The following ROBO2 variants were observed in gnomAD, a reference collection of about 807,000 sequenced individuals.
The protein encoded by ROBO2 is roundabout guidance receptor 2, also known as roundabout homolog 2.
Under a neutral mutation model 160.8 loss-of-function variants are expected in ROBO2, and 53 were observed. That is an observed-to-expected ratio of 0.33 (90% CI 0.26 to 0.41). ROBO2 has a LOEUF of 0.41. ROBO2 is among the 10% of genes least tolerant of loss of function. The probability of loss-of-function intolerance (pLI) is 1.00; values close to 1 mark genes in which losing one functional copy is unlikely to be tolerated. For missense variants in ROBO2, 1,577 were observed against 1,722.4 expected (o/e 0.92, Z 1.49); for synonymous variants, 664 against 611.7 (o/e 1.09, Z -1.26).
chr3:76,710,527 CT>C (rs1371425127), intron 2 of ROBO2, among the ~76,000 whole-genome samples: 6 of 152,176 alleles, frequency 3.9e-5, no homozygotes, highest in Admixed American at 3.9e-4. Flanking sequence ...TTAATTACTA[CT>C]TGACCCTACT....
chr3:76,732,997 G>C (rs13084922), intron 2 of ROBO2, among the ~76,000 whole-genome samples: 4 of 130,232 alleles, frequency 3.1e-5, no homozygotes, highest in Admixed American at 8.1e-5. Flanking sequence ...CTGGGGGTGG[G>C]GGGGGGAGGT....
intron 2 of ROBO2, among the ~76,000 whole-genome samples, chr3:77,402,193 A>G (rs547980076): frequency 3.7e-4 from 57 of 152,156 alleles, no homozygotes; most frequent in Admixed American, 1.3e-4. Context: ...AAAACCAGAA[A>G]TCAAACACCA....
chr3:77,069,576 A>G (rs1273278104), intron 1 of ROBO2, among the ~76,000 whole-genome samples: 3 of 152,234 alleles, frequency 2.0e-5, no homozygotes, highest in Non-Finnish European at 4.4e-5. Flanking sequence ...TCAGTCATTC[A>G]TGCATAGACT....
Position 76,808,282 on chromosome 3 carries a change from C to T in ROBO2, c.110-289732C>T, listed in dbSNP as rs561783238. Among the ~76,000 whole-genome samples the T allele has an allele frequency of 1.9e-4, 29 of 152,230 alleles. No homozygotes were observed. The South Asian group carries it at 6.0e-3, about 32-fold the overall frequency. On this transcript the variant is annotated intron_variant, in intron 2 of 26. Transcript: ENST00000487694. ...AACCCAATTGAAGATATGACGTGCA[C>T]ACTCGTAAACTGAACAATAAGTTAA...
intron 2 of ROBO2, among the ~76,000 whole-genome samples, chr3:76,675,802 T>C (rs1414708175): frequency 6.6e-6 from 1 of 152,190 alleles, no homozygotes; most frequent in Non-Finnish European, 1.5e-5. Flanking sequence ...TTCTTAATAT[T>C]CCAAATGTAC....
At chr3:75,953,284 T>C (rs1182151129) in intron 2 of ROBO2, among the ~76,000 whole-genome samples, 1 of 151,982 alleles carries the variant, frequency 6.6e-6, no homozygotes, top group Non-Finnish European at 1.5e-5. Flanking sequence ...ATCAGACTTT[T>C]GGATATTGGC....
chr3:77,424,863 C>T (rs1404080041), intron 2 of ROBO2, among the ~76,000 whole-genome samples: 4 of 152,146 alleles, frequency 2.6e-5, no homozygotes, highest in Non-Finnish European at 5.9e-5. Context: ...TTCCATGAAC[C>T]TTTGCACAGT....
At chr3:76,363,720 A>T (rs1162661655) in intron 2 of ROBO2, among the ~76,000 whole-genome samples, 1 of 152,132 alleles carries the variant, frequency 6.6e-6, no homozygotes, top group African/African-American at 2.4e-5. Context: ...AGCCAATATT[A>T]ATCAAAGGCT....
chr3:76,280,280 A>C (rs1708161471), intron 2 of ROBO2, among the ~76,000 whole-genome samples: 1 of 151,992 alleles, frequency 6.6e-6, no homozygotes, highest in Non-Finnish European at 1.5e-5. Flanking sequence ...TCATATGTTA[A>C]ACCATAACCC....
chr3:76,943,271 T>C (rs1468029947), intron 2 of ROBO2, among the ~76,000 whole-genome samples: 1 of 152,228 alleles, frequency 6.6e-6, no homozygotes, highest in African/African-American at 2.4e-5. Flanking sequence ...CATGAGCCTC[T>C]GACCCCCTTT....
At position 76,121,660 on chromosome 3, in the gene ROBO2, C is replaced by G. The variant is rs116377054; in HGVS notation, c.109+184058C>G. On this transcript the variant is annotated intron_variant, in intron 2 of 26. Transcript: ENST00000487694. ...GTATGTTGTTCTGTGTGATTGGATG[C>G]TGGCATTTTACTCTTCATTTACCCT... 2.3e-3 allele frequency among the ~76,000 whole-genome samples: 354 copies of G among 152,244 alleles called. 1 individual carries two copies. Among genetic ancestry groups the G allele is most frequent in the African/African-American group, 7.0e-3 (293 of 41,564 alleles).
chr3:76,624,796 C>CAAAAAAAAAAAAAA (rs57920315), intron 2 of ROBO2, among the ~76,000 whole-genome samples: 27 of 46,326 alleles, frequency 5.8e-4, no homozygotes, highest in East Asian at 7.4e-4. Flanking sequence ...GACTCCGTCT[C>CAAAAAAAAAAAAAA]AAAAAAAAAA....
intron 4 of ROBO2, among the ~76,000 whole-genome samples, chr3:77,486,152 G>T (rs952822403): frequency 6.6e-6 from 1 of 152,110 alleles, no homozygotes; most frequent in Non-Finnish European, 1.5e-5. Flanking sequence ...TGGTGTATTT[G>T]TACCACATTT....
At position 76,115,456 on chromosome 3, in the gene ROBO2, A is replaced by G. The variant is rs193242759; in HGVS notation, c.109+177854A>G. ...TAAGTAAAGATTTGGATTCAAATCC[A>G]GGCTTTACTGTTTACTAGCTGTGTG... is the stretch of plus-strand genomic sequence containing the variant. On this transcript the variant is annotated intron_variant, in intron 2 of 26. Coordinates refer to the ROBO2 transcript ENST00000487694. Among the ~76,000 whole-genome samples, 3 of 152,270 alleles carry G rather than the reference A, an allele frequency of 2.0e-5. No individual in the cohort carries two copies. The East Asian group carries it at 5.8e-4, about 29-fold the overall frequency.
chr3:76,063,312 T>G (rs548354633), intron 2 of ROBO2, among the ~76,000 whole-genome samples: 1 of 151,582 alleles, frequency 6.6e-6, no homozygotes, highest in East Asian at 2.0e-4. Flanking sequence ...TAGGCGTTGC[T>G]CTAAGAATTT....
Position 75,985,676 on chromosome 3 carries a change from G to A in ROBO2, c.109+48074G>A, listed in dbSNP as rs143810964. Among the ~76,000 whole-genome samples the A allele has an allele frequency of 3.2e-4, 49 of 151,636 alleles. 1 individual carries two copies. In the East Asian group the frequency reaches 6.2e-3, roughly 19 times the overall value. On this transcript the variant is annotated intron_variant, in intron 2 of 26. Transcript: ENST00000487694. ...ATAATCATCACCATCCATCTCCAGA[G>A]CTCTTTAGTCTTGTGAAACTGAAGC...
intron 5 of ROBO2, among the ~76,000 whole-genome samples, chr3:77,515,329 T>C (rs2089897956): frequency 6.6e-6 from 1 of 151,720 alleles, no homozygotes; most frequent in Non-Finnish European, 1.5e-5. Context: ...ATTAGGTTTG[T>C]TGAGTCAGCA....
intron 2 of ROBO2, among the ~76,000 whole-genome samples, chr3:77,138,659 G>A (rs778013183): frequency 6.8e-6 from 1 of 146,870 alleles, no homozygotes; most frequent in Non-Finnish European, 1.5e-5. Flanking sequence ...CGTTTTTCCT[G>A]TTTATCCCTT....
intron 2 of ROBO2, among the ~76,000 whole-genome samples, chr3:77,368,413 G>C (rs1275324778): frequency 6.6e-6 from 1 of 151,968 alleles, no homozygotes. Flanking sequence ...ACAGGCTTTG[G>C]GAATCATGTC....
Sources: gnomAD v4.1 joint callset for allele counts (sites outside exome capture counted in the v4.1 genomes callset) on GRCh38, gnomAD v4.1.1 for gene constraint, MANE v1.5 for transcripts, NCBI Gene and HGNC (gene_info 2026-07-23, HGNC 2026-07-21) for gene names.